The following FSTL5 variants were observed in gnomAD, a reference collection of about 807,000 sequenced individuals.
FSTL5 encodes follistatin-related protein 5.
FSTL5 carries 62 observed loss-of-function variants against 89.1 expected under a neutral mutation model. The observed-to-expected ratio is 0.70, with a 90% CI of 0.57 to 0.86. The LOEUF is 0.86. FSTL5 is among the 40% of genes least tolerant of loss of function. The pLI, the probability that FSTL5 is intolerant of heterozygous loss-of-function variation, is 0.00. For missense variants in FSTL5, 1,057 were observed against 1,001.6 expected, an observed-to-expected ratio of 1.06 and a Z score of -0.75; for synonymous variants, 383 against 346.2, an observed-to-expected ratio of 1.11 and a Z score of -1.18.
intron 8 of FSTL5, among the ~76,000 whole-genome samples, chr4:161,566,121 T>TATAC (rs1290118275): frequency 6.2e-5 from 7 of 112,356 alleles, no homozygotes; most frequent in Non-Finnish European, 7.3e-5. Flanking sequence ...TATATATATA[T>TATAC]ATATATATAT....
chr4:161,740,829 TA>T (rs1242454080), intron 6 of FSTL5, among the ~76,000 whole-genome samples: 1 of 152,188 alleles, frequency 6.6e-6, no homozygotes, highest in Non-Finnish European at 1.5e-5. Context: ...AGGAAGCTTA[TA>T]AACAACAGAA....
chr4:161,455,372 T>G (rs1183966266), intron 14 of FSTL5, among the ~76,000 whole-genome samples: 2 of 152,092 alleles, frequency 1.3e-5, no homozygotes, highest in African/African-American at 4.8e-5. Flanking sequence ...AATTTCAGCT[T>G]AAAATATAAA....
At chr4:161,967,740 T>C (rs1186312203) in intron 3 of FSTL5, among the ~76,000 whole-genome samples, 1 of 151,994 alleles carries the variant, frequency 6.6e-6, no homozygotes, top group Non-Finnish European at 1.5e-5. Flanking sequence ...TTATCATTGA[T>C]ATTAGTAGGT....
chr4:161,676,089 A>AGGTAAT (rs1438701296), intron 6 of FSTL5, among the ~76,000 whole-genome samples: 1 of 152,136 alleles, frequency 6.6e-6, no homozygotes, highest in African/African-American at 2.4e-5. Context: ...TGGAAAGTAA[A>AGGTAAT]GGTAATGGTA....
chr4:162,092,947 C>CAAAAAAA (rs57860357), intron 2 of FSTL5, among the ~76,000 whole-genome samples: 6 of 80,722 alleles, frequency 7.4e-5, no homozygotes, highest in East Asian at 3.4e-4. Flanking sequence ...GACTCTGTCT[C>CAAAAAAA]AAAAAAAAAA....
chr4:161,495,651 G>A (rs1158685721), intron 12 of FSTL5, among the ~76,000 whole-genome samples: 3 of 152,034 alleles, frequency 2.0e-5, no homozygotes, highest in African/African-American at 4.8e-5. Flanking sequence ...TTTACAGCAA[G>A]CAAATACCAT....
chr4:161,736,626 C>T (rs541621220), intron 6 of FSTL5, among the ~76,000 whole-genome samples: 2 of 152,118 alleles, frequency 1.3e-5, no homozygotes, highest in African/African-American at 2.4e-5. Context: ...CAGTTTTCTC[C>T]GGTATGTAGC....
chr4:161,748,536 A>C (rs1307499309), intron 6 of FSTL5, among the ~76,000 whole-genome samples: 1 of 151,936 alleles, frequency 6.6e-6, no homozygotes, highest in African/African-American at 2.4e-5. Flanking sequence ...GTGGTATATA[A>C]GGTTGTACAA....
At chr4:162,065,028 T>C (rs1407239044) in intron 2 of FSTL5, among the ~76,000 whole-genome samples, 6 of 151,964 alleles carry the variant, frequency 3.9e-5, no homozygotes, top group Non-Finnish European at 8.8e-5. Flanking sequence ...CAATAAATGA[T>C]GATGAAAAAA....
intron 6 of FSTL5, among the ~76,000 whole-genome samples, chr4:161,673,588 C>A (rs1737193962): frequency 6.6e-6 from 1 of 151,968 alleles, no homozygotes; most frequent in Non-Finnish European, 1.5e-5. Flanking sequence ...AGAATGAGTA[C>A]AACTCACATG....
At chr4:162,098,871 T>C (rs1474214925) in intron 2 of FSTL5, among the ~76,000 whole-genome samples, 1 of 152,046 alleles carries the variant, frequency 6.6e-6, no homozygotes, top group African/African-American at 2.4e-5. Flanking sequence ...CACATCTACA[T>C]GCAAAAACAG....
At chr4:161,719,734 C>T (rs934108776) in intron 6 of FSTL5, among the ~76,000 whole-genome samples, 5 of 151,970 alleles carry the variant, frequency 3.3e-5, no homozygotes, top group African/African-American at 9.7e-5. Flanking sequence ...TAAAGGGGAT[C>T]GTTTTCTTAA....
intron 2 of FSTL5, among the ~76,000 whole-genome samples, chr4:162,034,958 A>T (rs1737674647): frequency 1.3e-5 from 2 of 152,122 alleles, no homozygotes; most frequent in East Asian, 1.9e-4. Context: ...GCTCTTTATT[A>T]ATTGTTTAAT....
At position 161,698,357 on chromosome 4, in the gene FSTL5, T is replaced by C. The variant is rs912848112; in HGVS notation, c.728-41863A>G. Among the ~76,000 whole-genome samples, 7 of 152,262 alleles carry C rather than the reference T, an allele frequency of 4.6e-5. 1 individual carries two copies. In the South Asian group the frequency reaches 1.5e-3, roughly 32 times the overall value. On this transcript the variant is annotated intron_variant, in intron 6 of 15. Coordinates refer to ENST00000306100, the MANE Select transcript of FSTL5 (RefSeq NM_020116.5). ...GAGCAGAATGGTGATTATTAGAGAC[T>C]GAAGTGGCTGGCAGGTGGGTTGGGG...
chr4:161,912,860 G>A (rs1465757635), intron 4 of FSTL5, among the ~76,000 whole-genome samples: 1 of 152,164 alleles, frequency 6.6e-6, no homozygotes, highest in Non-Finnish European at 1.5e-5. Context: ...TGAACAATAA[G>A]ATCCAGACTG....
chr4:161,550,641 G>A (rs1732173973), intron 8 of FSTL5, among the ~76,000 whole-genome samples: 1 of 150,830 alleles, frequency 6.6e-6, no homozygotes, highest in Non-Finnish European at 1.5e-5. Flanking sequence ...GTGCAGGTTA[G>A]TTACATATGT....
At position 161,695,083 on chromosome 4, in the gene FSTL5, C is replaced by T. The variant is rs564080331; in HGVS notation, c.728-38589G>A. On this transcript the variant is annotated intron_variant, in intron 6 of 15. Coordinates refer to ENST00000306100, the MANE Select transcript of FSTL5 (RefSeq NM_020116.5). ...CTTTTTCTGTATTTCCATAGGCTAT[C>T]GGGGAATAGATGGTGTTTGGTTACA... is the stretch of plus-strand genomic sequence containing the variant. Among the ~76,000 whole-genome samples the T allele has an allele frequency of 2.9e-3, 434 of 151,580 alleles. 2 individuals carry two copies. The highest frequency in any genetic ancestry group is 5.2e-3 in the Non-Finnish European group (353 of 67,904).
chr4:161,803,900 T>A (rs1293801762), intron 4 of FSTL5, among the ~76,000 whole-genome samples: 6 of 152,026 alleles, frequency 3.9e-5, no homozygotes, highest in Non-Finnish European at 8.8e-5. Context: ...TACGCTGAGA[T>A]GCATTTTTCT....
intron 3 of FSTL5, among the ~76,000 whole-genome samples, chr4:162,003,137 C>G (rs957326352): frequency 7.9e-5 from 12 of 151,662 alleles, no homozygotes; most frequent in African/African-American, 2.7e-4. Flanking sequence ...GAGCAAGACT[C>G]CGTCTCAAAA....
Sources: allele counts gnomAD v4.1 joint callset (sites outside exome capture counted in the v4.1 genomes callset), GRCh38; gene constraint gnomAD v4.1.1; transcripts MANE v1.5; gene names NCBI Gene and HGNC (gene_info 2026-07-23, HGNC 2026-07-21).